PCDH15: variants seen among roughly 807,000 people sequenced by gnomAD.
The protein encoded by PCDH15 is protocadherin related 15, also known as protocadherin-15.
A neutral mutation model predicts 178.5 loss-of-function variants in PCDH15; 129 were observed. That is an observed-to-expected ratio of 0.72 (90% confidence interval 0.63 to 0.84). The LOEUF is 0.84. PCDH15 is among the 40% of genes least tolerant of loss of function. The pLI, the probability that PCDH15 is intolerant of heterozygous loss-of-function variation, is 0.00. For synonymous variants in PCDH15, 800 were observed against 732.0 expected (o/e 1.09, Z -1.50); for missense variants, 2,230 against 2,099.9 (o/e 1.06, Z -1.21).
chr10:53,831,269 A>T (rs770162611), intron 30 of PCDH15, 46 bp downstream of exon 30: 1 of 1,569,886 alleles, frequency 6.4e-7, no homozygotes, highest in African/African-American at 1.3e-5. Context: ...GTTTTCTGCA[A>T]TGACTTCTGA....
intron 2 of PCDH15, among the ~76,000 whole-genome samples, chr10:55,579,029 G>A (rs1342506562): frequency 6.6e-6 from 1 of 152,098 alleles, no homozygotes; most frequent in Non-Finnish European, 1.5e-5. Context: ...ACAAGCTCTT[G>A]ATGTTAGTTC....
intron 2 of PCDH15, among the ~76,000 whole-genome samples, chr10:55,156,204 A>C (rs1838884844): frequency 6.6e-6 from 1 of 152,192 alleles, no homozygotes; most frequent in Non-Finnish European, 1.5e-5. Context: ...TGAAGCATTC[A>C]AGGAATATTT....
intron 2 of PCDH15, chr10:54,600,560 T>C: frequency 1.7e-6 from 1 of 584,964 alleles, no homozygotes; most frequent in South Asian, 1.4e-5. Flanking sequence ...TCACTAAAAC[T>C]GTAACCATCA....
intron 1 of PCDH15, among the ~76,000 whole-genome samples, chr10:54,698,123 G>A (rs1186696486): frequency 6.6e-6 from 1 of 152,024 alleles, no homozygotes; most frequent in Non-Finnish European, 1.5e-5. Context: ...CTACAGAAAG[G>A]GAAAATCATC....
intron 2 of PCDH15, among the ~76,000 whole-genome samples, chr10:55,037,475 G>A (rs144388097): frequency 6.6e-6 from 1 of 152,164 alleles, no homozygotes; most frequent in East Asian, 1.9e-4. Context: ...CTCGTGATGC[G>A]CCCATCTCGG....
chr10:53,959,886 G>T (rs1398588606), intron 22 of PCDH15, 42 bp from the exon 23 acceptor site: 1 of 1,442,914 alleles, frequency 6.9e-7, no homozygotes, highest in South Asian at 1.1e-5. Flanking sequence ...TTATAAGTAA[G>T]AACAGCGTAA....
intron 32 of PCDH15, among the ~76,000 whole-genome samples, chr10:53,826,455 G>A (rs1326821677): frequency 5.3e-5 from 8 of 151,804 alleles, no homozygotes; most frequent in Middle Eastern, 3.2e-3. Context: ...TAACTGATAC[G>A]GATGTCACAT....
intron 2 of PCDH15, among the ~76,000 whole-genome samples, chr10:54,934,563 A>G (rs1263642077): frequency 6.6e-6 from 1 of 151,820 alleles, no homozygotes; most frequent in Non-Finnish European, 1.5e-5. Context: ...GGCGATCATT[A>G]AAAAGTCAGG....
chr10:54,575,365 G>C (rs1358248063), intron 2 of PCDH15: 2 of 153,160 alleles, frequency 1.3e-5, no homozygotes, highest in Admixed American at 1.3e-4. Flanking sequence ...TAATAAACCA[G>C]ATAAAATCTC....
intron 2 of PCDH15, among the ~76,000 whole-genome samples, chr10:55,568,445 G>A (rs1420922335): frequency 6.6e-6 from 1 of 151,806 alleles, no homozygotes; most frequent in Non-Finnish European, 1.5e-5. Flanking sequence ...TAAGAGTTCT[G>A]GAGATTGACA....
At chr10:54,916,851 G>C (rs972072452) in intron 2 of PCDH15, among the ~76,000 whole-genome samples, 1 of 150,226 alleles carries the variant, frequency 6.7e-6, no homozygotes, top group African/African-American at 2.5e-5. Context: ...ACAGGGAAAG[G>C]GGAGGATTTT....
chr10:55,187,267 A>G (rs1564874607), intron 1 of PCDH15, among the ~76,000 whole-genome samples: 1 of 152,062 alleles, frequency 6.6e-6, no homozygotes, highest in Non-Finnish European at 1.5e-5. Flanking sequence ...TAAACTCAGT[A>G]TTAATTTTTT....
chr10:55,487,123 T>C (rs1256161614), intron 2 of PCDH15, among the ~76,000 whole-genome samples: 1 of 151,716 alleles, frequency 6.6e-6, no homozygotes, highest in African/African-American at 2.4e-5. Context: ...TTATATGATA[T>C]TTATAAGCCA....
intron 25 of PCDH15, among the ~76,000 whole-genome samples, chr10:53,936,513 A>G (rs2921913): frequency 0.035 from 5,369 of 152,244 alleles, 282 homozygotes; most frequent in African/African-American, 0.12. Flanking sequence ...ATTATGTTGA[A>G]TTAGGGAGTT....
intron 2 of PCDH15, among the ~76,000 whole-genome samples, chr10:55,517,376 A>C (rs1407840640): frequency 1.3e-5 from 2 of 152,146 alleles, no homozygotes; most frequent in African/African-American, 4.8e-5. Context: ...TAATATATTT[A>C]ACTTGGAAAC....
chr10:54,862,887 T>C (rs962776373), intron 3 of PCDH15, among the ~76,000 whole-genome samples: 4 of 152,114 alleles, frequency 2.6e-5, no homozygotes, highest in Non-Finnish European at 4.4e-5. Flanking sequence ...TCTTTATACA[T>C]TATGCAGCCT....
chr10:55,339,079 C>T (rs191141914), intron 2 of PCDH15, among the ~76,000 whole-genome samples: 1 of 151,854 alleles, frequency 6.6e-6, no homozygotes, highest in Non-Finnish European at 1.5e-5. Context: ...TTTGGTAGCA[C>T]AATAATGTGA....
intron 1 of PCDH15, among the ~76,000 whole-genome samples, chr10:55,236,569 CAAATA>C: frequency 6.6e-6 from 1 of 152,032 alleles, no homozygotes; most frequent in South Asian, 2.1e-4. Context: ...TATTGCTAAT[CAAATA>C]AAATATCATA....
At chr10:54,382,268 A>C (rs1323960198) in intron 3 of PCDH15, among the ~76,000 whole-genome samples, 1 of 152,160 alleles carries the variant, frequency 6.6e-6, no homozygotes, top group Non-Finnish European at 1.5e-5. Context: ...CTATTAATTC[A>C]GAAAAATAAC....
Sources: gnomAD v4.1 joint callset for allele counts (sites outside exome capture counted in the v4.1 genomes callset) on GRCh38, gnomAD v4.1.1 for gene constraint, MANE v1.5 for transcripts, NCBI Gene and HGNC (gene_info 2026-07-23, HGNC 2026-07-21) for gene names.